Variants in SLC7A8 observed in about 807,000 individuals in gnomAD.
SLC7A8 encodes solute carrier family 7 member 8.
Under a neutral mutation model 51.2 loss-of-function variants are expected in SLC7A8, and 30 were observed. The observed-to-expected ratio is 0.59, with a 90% CI of 0.44 to 0.80. The LOEUF (loss-of-function observed/expected upper bound fraction) is 0.80, where lower values mean the gene tolerates loss of function less well. SLC7A8 is among the 30% of genes least tolerant of loss of function. The pLI, the probability that SLC7A8 is intolerant of heterozygous loss-of-function variation, is 0.00. For synonymous variants in SLC7A8, 257 were observed against 275.8 expected (o/e 0.93, Z 0.67); for missense variants, 612 against 674.4 (o/e 0.91, Z 1.03).
chr14:23,152,377 C>G (rs1398521492), intron 3 of SLC7A8, among the ~76,000 whole-genome samples: 1 of 151,948 alleles, frequency 6.6e-6, no homozygotes, highest in Non-Finnish European at 1.5e-5. Context: ...GCAATCTGCC[C>G]ACTTTGGCCT....
At chr14:23,150,788 A>G (rs1036524352) in intron 3 of SLC7A8, among the ~76,000 whole-genome samples, 3 of 152,170 alleles carry the variant, frequency 2.0e-5, no homozygotes, top group Non-Finnish European at 4.4e-5. Context: ...TTTAGAGACC[A>G]TATCATGCAT....
At chr14:23,132,035 G>T in intron 7 of SLC7A8, among the ~76,000 whole-genome samples, 1 of 121,012 alleles carries the variant, frequency 8.3e-6, no homozygotes, top group Admixed American at 1.1e-4. Flanking sequence ...GATGGAGTCT[G>T]ACTCTGTCGC....
intron 8 of SLC7A8, chr14:23,130,116 C>T (rs868687149): frequency 3.8e-6 from 1 of 264,874 alleles, no homozygotes; most frequent in Non-Finnish European, 7.1e-6. Flanking sequence ...GTGTCAGCCC[C>T]GGTCTCATTT....
chr14:23,177,033 T>C (rs1266640249), intron 1 of SLC7A8, among the ~76,000 whole-genome samples: 1 of 152,074 alleles, frequency 6.6e-6, no homozygotes, highest in Non-Finnish European at 1.5e-5. Context: ...AGTGGTCTAG[T>C]AGCTAGATCA....
rs570131853 is a variant in SLC7A8, at chr14:23,125,799, A to G, written c.*1378T>C. ...AAGGATCCTAAGTCCTTAGTGCAGC[A>G]GGAGTGGCTGGGAAGGTTGCAGGGC... On this transcript the variant is annotated 3_prime_UTR_variant, in exon 11 of 11. Transcript: ENST00000316902. The G allele has an allele frequency of 6.5e-6, 1 of 152,908 alleles. No homozygotes were observed. The highest frequency in any genetic ancestry group is 1.5e-5 in the Non-Finnish European group (1 of 68,126). The allele number at this position is 152,908 out of a possible 1,614,324, so 9.5% of individuals were successfully genotyped here.
At chr14:23,149,158 C>A (rs2048824358) in intron 3 of SLC7A8, among the ~76,000 whole-genome samples, 1 of 152,188 alleles carries the variant, frequency 6.6e-6, no homozygotes, top group South Asian at 2.1e-4. Context: ...GCACTTCTTC[C>A]AGCTTCCCAA....
Position 23,126,975 on chromosome 14 carries a change from G to C in SLC7A8, c.*202C>G. 1 of 642,266 alleles carries C rather than the reference G, an allele frequency of 1.6e-6. No individual in the cohort carries two copies. The highest frequency in any genetic ancestry group is 2.8e-5 in the East Asian group (1 of 35,804). 39.8% of individuals were successfully genotyped at this position (642,266 alleles called of 1,614,324 possible). A position where few individuals can be genotyped will look rare whatever the true frequency, so the allele number is the denominator to read the frequency against. ...GCACTGGAGTGGGGCCTGGGACATG[G>C]ACCCTGGGGTGAGAGGCTGGTTCTT... is the stretch of plus-strand genomic sequence containing the variant. On this transcript the variant is annotated 3_prime_UTR_variant, in exon 11 of 11. Coordinates refer to ENST00000316902, the MANE Select transcript of SLC7A8 (RefSeq NM_012244.4).
chr14:23,153,339 C>A (rs1374805383), intron 3 of SLC7A8, among the ~76,000 whole-genome samples: 2 of 152,224 alleles, frequency 1.3e-5, no homozygotes, highest in Non-Finnish European at 2.9e-5. Flanking sequence ...AAAGACCAGA[C>A]TGGGACAGCC....
At chr14:23,180,668 A>C (rs934009291) in intron 1 of SLC7A8, among the ~76,000 whole-genome samples, 16 of 152,242 alleles carry the variant, frequency 1.1e-4, no homozygotes, top group African/African-American at 3.9e-4. Context: ...GTTGTGGACA[A>C]ATCAGTAGTA....
chr14:23,166,286 G>A, intron 2 of SLC7A8, 50 bp downstream of exon 2: 2 of 1,590,096 alleles, frequency 1.3e-6, no homozygotes, highest in Admixed American at 1.7e-5. Flanking sequence ...CCTTCTGAAT[G>A]TCTTCCTCCT....
intron 10 of SLC7A8, 54 bp downstream of exon 10, chr14:23,127,965 A>G: frequency 6.5e-7 from 1 of 1,533,316 alleles, no homozygotes; most frequent in Non-Finnish European, 8.9e-7. Context: ...ATCACTGACC[A>G]CTGCATTCCA....
In SLC7A8 at chr14:23,164,548, T is replaced by C. The variant is rs1008763780; in HGVS notation, c.508+737A>G. ...ATAATATAGGTGAAAGTGCTTTGCG[T>C]AATGTCAAGAACCCTGCCAGTGAAA... On this transcript the variant is annotated intron_variant, in intron 3 of 10. Coordinates refer to ENST00000316902, the MANE Select transcript of SLC7A8 (RefSeq NM_012244.4). Among the ~76,000 whole-genome samples the C allele has an allele frequency of 3.9e-5, 6 of 152,096 alleles. No individual in the cohort carries two copies. The South Asian group carries it at 1.2e-3, about 31-fold the overall frequency.
chr14:23,148,312 T>A (rs778497033), intron 3 of SLC7A8, among the ~76,000 whole-genome samples: 3 of 152,168 alleles, frequency 2.0e-5, no homozygotes, highest in Non-Finnish European at 4.4e-5. Flanking sequence ...CTCTGCAACC[T>A]CTGCCTCCCA....
chr14:23,153,195 TTCC>T (rs1470913231), intron 3 of SLC7A8, among the ~76,000 whole-genome samples: 1 of 152,132 alleles, frequency 6.6e-6, no homozygotes, highest in Non-Finnish European at 1.5e-5. Flanking sequence ...TCACTGCAGC[TTCC>T]CAGTCCTGGG....
chr14:23,155,292 AG>A (rs2048884424), intron 3 of SLC7A8: 44 of 1,535,948 alleles, frequency 2.9e-5, no homozygotes, highest in Non-Finnish European at 3.7e-5. Context: ...GAGGGCTGTG[AG>A]TGCTCCTGGA....
chr14:23,142,729 T>C (rs1249159804), intron 4 of SLC7A8, among the ~76,000 whole-genome samples: 12 of 152,174 alleles, frequency 7.9e-5, no homozygotes, highest in Non-Finnish European at 2.9e-5. Flanking sequence ...CTCAAACTCC[T>C]GGGCTCAAGT....
intron 3 of SLC7A8, chr14:23,155,212 C>T (rs1304530982): frequency 9.1e-6 from 14 of 1,535,902 alleles, no homozygotes; most frequent in East Asian, 4.9e-5. Context: ...AGGAGGTGCT[C>T]TGAGCCTTCC....
intron 3 of SLC7A8, among the ~76,000 whole-genome samples, chr14:23,164,073 A>G (rs1283689549): frequency 6.6e-6 from 1 of 152,058 alleles, no homozygotes; most frequent in Non-Finnish European, 1.5e-5. Flanking sequence ...CCCAGGGTCA[A>G]TCGACCCTCC....
rs1245789821 is a variant in SLC7A8, at chr14:23,125,514, G to C, written c.*1663C>G. ...TCAACTTTACAAAAAAATAATTGAA[G>C]GAGGGGAGGAAGTTGGAGGAATGAG... is the stretch of plus-strand genomic sequence containing the variant. On this transcript the variant is annotated 3_prime_UTR_variant, in exon 11 of 11. Coordinates refer to ENST00000316902, the MANE Select transcript of SLC7A8 (RefSeq NM_012244.4). 6.6e-6 allele frequency: 1 copy of C among 152,592 alleles called. No individual in the cohort carries two copies. The highest frequency in any genetic ancestry group is 2.4e-5 in the African/African-American group (1 of 41,424). The allele number at this position is 152,592 out of a possible 1,614,324, so 9.5% of individuals were successfully genotyped here. A position where few individuals can be genotyped will look rare whatever the true frequency, so the allele number is the denominator to read the frequency against.
Sources: allele counts gnomAD v4.1 joint callset (sites outside exome capture counted in the v4.1 genomes callset), GRCh38; gene constraint gnomAD v4.1.1; transcripts MANE v1.5; gene names NCBI Gene and HGNC (gene_info 2026-07-23, HGNC 2026-07-21).